The following PTPRK variants were observed in gnomAD, a reference collection of about 807,000 sequenced individuals.
PTPRK encodes protein tyrosine phosphatase receptor type K.
A neutral mutation model predicts 178.0 loss-of-function variants in PTPRK; 75 were observed. The ratio of observed to expected loss-of-function variants is 0.42; its 90% CI spans 0.35 to 0.51. The LOEUF (loss-of-function observed/expected upper bound fraction) is 0.51. Among genes scored for constraint, PTPRK ranks in the 20% least tolerant of loss-of-function variants. The pLI is 0.02. For missense variants in PTPRK, 1,441 were observed against 1,797.8 expected (o/e 0.80, Z 3.59); for synonymous variants, 637 against 620.6 (o/e 1.03, Z -0.39).
At chr6:128,122,734 T>C (rs538428123) in intron 7 of PTPRK, among the ~76,000 whole-genome samples, 1 of 152,186 alleles carries the variant, frequency 6.6e-6, no homozygotes, top group South Asian at 2.1e-4. Flanking sequence ...GTATGAAAAT[T>C]AAAAGAGAAT....
At chr6:128,205,824 A>G (rs1211138812) in intron 6 of PTPRK, among the ~76,000 whole-genome samples, 1 of 151,304 alleles carries the variant, frequency 6.6e-6, no homozygotes, top group Admixed American at 6.6e-5. Context: ...AAAAAATATA[A>G]GAGTGGGAGA....
chr6:128,171,590 T>C (rs748917276), intron 7 of PTPRK, among the ~76,000 whole-genome samples: 100 of 152,152 alleles, frequency 6.6e-4, no homozygotes, highest in Middle Eastern at 3.4e-3. Context: ...AATGCGTTAC[T>C]AGTCCCATGA....
chr6:128,057,042 C>G (rs1582769292), intron 13 of PTPRK, among the ~76,000 whole-genome samples: 1 of 152,110 alleles, frequency 6.6e-6, no homozygotes, highest in Non-Finnish European at 1.5e-5. Flanking sequence ...GGGGGAGATA[C>G]AGGCTATGGG....
At chr6:128,237,414 G>C (rs572181355) in intron 5 of PTPRK, among the ~76,000 whole-genome samples, 67 of 152,150 alleles carry the variant, frequency 4.4e-4, no homozygotes, top group African/African-American at 1.5e-3. Flanking sequence ...CAGATATTTT[G>C]AGCATTTGTT....
intron 1 of PTPRK, among the ~76,000 whole-genome samples, chr6:128,465,904 C>A (rs1849789146): frequency 6.6e-6 from 1 of 152,116 alleles, no homozygotes; most frequent in South Asian, 2.1e-4. Context: ...AGCAGAGGGT[C>A]CAAGCCTCAA....
intron 13 of PTPRK, among the ~76,000 whole-genome samples, chr6:128,038,185 G>A (rs1776541848): frequency 6.6e-6 from 1 of 152,038 alleles, no homozygotes; most frequent in African/African-American, 2.4e-5. Flanking sequence ...TATCTTGGAA[G>A]AGATGCAGCA....
Position 128,220,692 on chromosome 6 carries a change from C to T in PTPRK, c.694-1596G>A, listed in dbSNP as rs1391597022. Among the ~76,000 whole-genome samples the T allele has an allele frequency of 2.6e-5, 4 of 152,110 alleles. No individual in the cohort carries two copies. The East Asian group carries it at 5.8e-4, about 22-fold the overall frequency. On this transcript the variant is annotated intron_variant, in intron 5 of 29. Transcript: ENST00000368226. ...CAGTGTATGTGGGATCAAGGAGATA[C>T]GTACAAGATGTTGAACTCTAAATTA...
intron 1 of PTPRK, among the ~76,000 whole-genome samples, chr6:128,418,464 G>A (rs935988628): frequency 3.9e-5 from 6 of 152,164 alleles, no homozygotes; most frequent in Non-Finnish European, 8.8e-5. Context: ...ATTAGATTCT[G>A]ATAGAAGTGT....
chr6:128,322,499 G>A (rs1296533817), intron 2 of PTPRK, among the ~76,000 whole-genome samples, 189 bp from the exon 3 acceptor site: 1 of 152,012 alleles, frequency 6.6e-6, no homozygotes, highest in African/African-American at 2.4e-5. Flanking sequence ...AACAGACAGT[G>A]TTCAAAGTAC....
chr6:128,346,743 C>T (rs2128334875), intron 2 of PTPRK, among the ~76,000 whole-genome samples: 1 of 152,120 alleles, frequency 6.6e-6, no homozygotes, highest in East Asian at 1.9e-4. Context: ...GGAAGAAAGC[C>T]CCTTCATCTG....
chr6:128,106,722 A>G (rs1789781648), intron 7 of PTPRK, among the ~76,000 whole-genome samples: 2 of 152,168 alleles, frequency 1.3e-5, no homozygotes, highest in East Asian at 1.9e-4. Flanking sequence ...TTAGTACTGA[A>G]TATTTCAATA....
At chr6:127,991,589 T>G (rs1159304810) in intron 19 of PTPRK, among the ~76,000 whole-genome samples, 198 bp from the exon 20 acceptor site, 1 of 151,264 alleles carries the variant, frequency 6.6e-6, no homozygotes, top group East Asian at 1.9e-4. Context: ...AAGTTTTTTT[T>G]TTTTTTTTTT....
intron 18 of PTPRK, chr6:127,995,131 A>C (rs1487600484): frequency 9.9e-7 from 1 of 1,008,592 alleles, no homozygotes. Flanking sequence ...TATTGTATGA[A>C]GCTAATTAGG....
At chr6:128,235,880 T>C (rs1477114395) in intron 5 of PTPRK, among the ~76,000 whole-genome samples, 1 of 152,158 alleles carries the variant, frequency 6.6e-6, no homozygotes, top group Non-Finnish European at 1.5e-5. Context: ...TTATGAGTTA[T>C]TTTATCATTT....
rs7768121 is a variant in PTPRK at position 128,184,661 on chromosome 6, T to C, written c.933A>G (p.Gln311=). The change falls in exon 7 of 30, where the codon CAA becomes CAG. Residue 311 remains glutamine (Q), a synonymous_variant. Coordinates refer to ENST00000368226, the MANE Select transcript of PTPRK (RefSeq NM_002844.4). ...CGCCAATGATCGAGTTGGCATTTAG[T>C]TGGATCAGCAAATATGTAGGCCCAA... ...LGVGPTYLLI[Q]LNANSIIGDG... 12,870 of 1,613,970 alleles carry C rather than the reference T, an allele frequency of 8.0e-3. 353 individuals are homozygous for C. The highest frequency in any genetic ancestry group is 0.047 in the African/African-American group (3,512 of 75,010).
intron 1 of PTPRK, among the ~76,000 whole-genome samples, chr6:128,488,847 A>G (rs1387593175): frequency 6.6e-6 from 1 of 152,190 alleles, no homozygotes; most frequent in Non-Finnish European, 1.5e-5. Flanking sequence ...TCAACTATGA[A>G]GAAAATGCAA....
intron 8 of PTPRK, among the ~76,000 whole-genome samples, chr6:128,086,197 A>C (rs899283689): frequency 6.6e-6 from 1 of 152,210 alleles, no homozygotes; most frequent in Non-Finnish European, 1.5e-5. Context: ...TATAACTCTC[A>C]AAATGGAAAA....
At position 128,119,031 on chromosome 6, in the gene PTPRK, T is replaced by G. The variant is rs956999167; in HGVS notation, c.1163-29039A>C. Among the ~76,000 whole-genome samples, 6 of 152,280 alleles carry G rather than the reference T, an allele frequency of 3.9e-5. No homozygotes were observed. In the South Asian group the frequency reaches 1.2e-3, roughly 32 times the overall value. ...ACATTATTTAAATGCTCTAATAGCATAAATCAGCTGTTTCTGAAAAGCCAG... is the reference window on the plus strand; with the variant it reads ...ACATTATTTAAATGCTCTAATAGCAGAAATCAGCTGTTTCTGAAAAGCCAG... On this transcript the variant is annotated intron_variant, in intron 7 of 29. Transcript: ENST00000368226.
chr6:127,988,508 G>T (rs1043965029), intron 21 of PTPRK, among the ~76,000 whole-genome samples: 1 of 151,726 alleles, frequency 6.6e-6, no homozygotes, highest in African/African-American at 2.4e-5. Context: ...TAAAACCATA[G>T]TGCAATTTTA....
Sources: gnomAD v4.1 joint callset for allele counts (sites outside exome capture counted in the v4.1 genomes callset) on GRCh38, gnomAD v4.1.1 for gene constraint, MANE v1.5 for transcripts, NCBI Gene and HGNC (gene_info 2026-07-23, HGNC 2026-07-21) for gene names.